IFITM10: variants seen among roughly 807,000 people sequenced by gnomAD.
IFITM10 encodes interferon induced transmembrane protein 10.
IFITM10 carries 17 observed loss-of-function variants against 19.0 expected under a neutral mutation model. The observed-to-expected ratio is 0.90, with a 90% CI of 0.61 to 1.34. IFITM10 has a LOEUF of 1.34. IFITM10 is among the 40% of genes most tolerant of loss of function. IFITM10 has a pLI of 0.00. For synonymous variants in IFITM10, 148 were observed against 147.2 expected (o/e 1.01, Z -0.04); for missense variants, 306 against 319.8 (o/e 0.96, Z 0.33).
intron 1 of IFITM10, 74 bp from the exon 2 acceptor site, chr11:1,748,193 G>A (rs1418075901): frequency 2.7e-6 from 3 of 1,114,834 alleles, no homozygotes; most frequent in East Asian, 3.2e-5. Flanking sequence ...CAGCAGCTCC[G>A]AGAACAGCCC....
chr11:1,745,432 C>T (rs1036493911), intron 2 of IFITM10: 1 of 152,336 alleles, frequency 6.6e-6, no homozygotes, highest in Non-Finnish European at 1.5e-5. Flanking sequence ...TGGAGCTGGT[C>T]GGAAGCATGA....
rs1453167776 is a variant in IFITM10 at position 1,750,386 on chromosome 11, C to T, written c.57G>A (p.Glu19=). 6.4e-7 allele frequency: 1 copy of T among 1,550,556 alleles called. No homozygotes were observed. The highest frequency in any genetic ancestry group is 2.0e-5 in the Admixed American group (1 of 50,992). ...CCAGCTCCCACTGAGCCTCGACCCTCTCCAAAGTCCCCCGGAAGCTGAGGA... is the reference window on the plus strand; with the variant it reads ...CCAGCTCCCACTGAGCCTCGACCCTTTCCAAAGTCCCCCGGAAGCTGAGGA... ...PCILSFRGTL[E]RVEAQWELEA... is the part of the protein sequence containing the mutation. The change falls in exon 1 of 3, where the codon GAG becomes GAA. Residue 19 remains glutamate (E), a synonymous_variant. Transcript: ENST00000340134.
At chr11:1,738,429 G>A (rs777659221) in intron 2 of IFITM10, among the ~76,000 whole-genome samples, 7 of 152,208 alleles carry the variant, frequency 4.6e-5, no homozygotes, top group Admixed American at 6.5e-5. Context: ...GATGGGGACC[G>A]TCTGTATATG....
intron 2 of IFITM10, chr11:1,746,669 T>C (rs1009924706): frequency 2.5e-6 from 1 of 398,512 alleles, no homozygotes. Context: ...GAGGCGAAGC[T>C]GGCCAGGCGT....
At chr11:1,747,369 C>T (rs942950896) in intron 2 of IFITM10, among the ~76,000 whole-genome samples, 8 of 152,092 alleles carry the variant, frequency 5.3e-5, no homozygotes, top group East Asian at 1.9e-4. Flanking sequence ...CCTCAACCCC[C>T]GCTCCCAGCC....
intron 2 of IFITM10, chr11:1,746,920 C>T: frequency 2.5e-6 from 1 of 397,650 alleles, no homozygotes; most frequent in Non-Finnish European, 4.4e-6. Context: ...AGGAAGGGCT[C>T]CAGCACCAGA....
In IFITM10 at chr11:1,734,943, T is replaced by A. The variant is rs182564940; in HGVS notation, c.*337A>T. 1.8e-3 allele frequency: 615 copies of A among 335,112 alleles called. 2 individuals carry two copies. The highest frequency in any genetic ancestry group is 2.9e-3 in the Non-Finnish European group (538 of 182,682). The allele number at this position is 335,112 out of a possible 1,614,324, so 20.8% of individuals were successfully genotyped here. On this transcript the variant is annotated 3_prime_UTR_variant, in exon 3 of 3. Coordinates refer to ENST00000340134, the MANE Select transcript of IFITM10 (RefSeq NM_001170820.4). ...TTGCATAAGCCCTTCCTGCTAGGTG[T>A]CAGGTCCAAGGGGCCCCAGGAGCCT...
chr11:1,737,151 T>C (rs1248967615), intron 2 of IFITM10, among the ~76,000 whole-genome samples: 1 of 152,236 alleles, frequency 6.6e-6, no homozygotes, highest in African/African-American at 2.4e-5. Context: ...ATGCCTTTGC[T>C]AAAATAAAGT....
At chr11:1,739,219 A>G (rs553291453) in intron 2 of IFITM10, among the ~76,000 whole-genome samples, 1 of 152,220 alleles carries the variant, frequency 6.6e-6, no homozygotes, top group East Asian at 1.9e-4. Context: ...ATGGCTGGAT[A>G]TAGTAACGGA....
At chr11:1,735,883 G>A (rs552774007) in intron 2 of IFITM10, among the ~76,000 whole-genome samples, 19 of 152,284 alleles carry the variant, frequency 1.2e-4, no homozygotes, top group African/African-American at 4.1e-4. Context: ...GTTCTGCCTC[G>A]TTTAAAATTA....
Position 1,734,906 on chromosome 11 carries a change from C to A in IFITM10, c.*374G>T, listed in dbSNP as rs986911822. On this transcript the variant is annotated 3_prime_UTR_variant, in exon 3 of 3. Coordinates refer to ENST00000340134, the MANE Select transcript of IFITM10 (RefSeq NM_001170820.4). Reference sequence around the variant, plus strand: ...GGGAGCACAGAGTGAGTCCTCCCAACCTGGGACAATTTTGCATAAGCCCTT... The same window carrying A: ...GGGAGCACAGAGTGAGTCCTCCCAAACTGGGACAATTTTGCATAAGCCCTT... The A allele has an allele frequency of 1.7e-5, 4 of 241,950 alleles. No homozygotes were observed. Among genetic ancestry groups the A allele is most frequent in the South Asian group, 9.7e-5 (1 of 10,322 alleles). The allele number at this position is 241,950 out of a possible 1,614,324, so 15.0% of individuals were successfully genotyped here.
intron 1 of IFITM10, among the ~76,000 whole-genome samples, chr11:1,749,461 C>G (rs556253628): frequency 1.3e-5 from 2 of 151,514 alleles, no homozygotes; most frequent in East Asian, 3.9e-4. Context: ...CCCCCAGCCC[C>G]GTGGAAGACT....
At chr11:1,750,083 G>T (rs1027932401) in intron 1 of IFITM10, among the ~76,000 whole-genome samples, 2 of 152,060 alleles carry the variant, frequency 1.3e-5, no homozygotes, top group Admixed American at 1.3e-4. Flanking sequence ...CAGCCTCTCT[G>T]TGATCCCTAC....
chr11:1,741,912 G>A (rs1344500250), intron 2 of IFITM10, among the ~76,000 whole-genome samples: 1 of 152,186 alleles, frequency 6.6e-6, no homozygotes, highest in Admixed American at 6.5e-5. Flanking sequence ...GGCCCTACTG[G>A]CAAATGAGGA....
rs1851045042 is a variant in IFITM10, at chr11:1,733,121, T to C, written c.*2159A>G. The C allele has an allele frequency of 6.6e-6, 1 of 152,250 alleles. No homozygotes were observed. Among genetic ancestry groups the C allele is most frequent in the Admixed American group, 6.5e-5 (1 of 15,276 alleles). The allele number at this position is 152,250 out of a possible 1,614,324, so 9.4% of individuals were successfully genotyped here. A position where few individuals can be genotyped will look rare whatever the true frequency, so the allele number is the denominator to read the frequency against. ...GGCTTGTCCAGGAAGCCTCTGGGTC[T>C]AATGGTGCAAGCATCCGAAGTGCCC... On this transcript the variant is annotated 3_prime_UTR_variant, in exon 3 of 3. Transcript: ENST00000340134. The surrounding 1 kb of genome is among the most constrained non-coding windows in gnomAD (Gnocchi z 6.3).
chr11:1,750,399 C>CGGAA lies in IFITM10; in HGVS notation c.40_43dup (p.Arg15LeufsTer79). 6.4e-7 allele frequency: 1 copy of CGGAA among 1,550,502 alleles called. No homozygotes were observed. Among genetic ancestry groups the CGGAA allele is most frequent in the Non-Finnish European group, 8.7e-7 (1 of 1,146,970 alleles). On this transcript the variant is annotated frameshift_variant, in exon 1 of 3. Transcript: ENST00000340134. LOFTEE classifies it high-confidence loss of function. ...AGCCTCGACCCTCTCCAAAGTCCCC[C>CGGAA]GGAAGCTGAGGATGCATGGCGGCCC...
At position 1,749,159 on chromosome 11, in the gene IFITM10, G is replaced by A. The variant is rs1004898563; in HGVS notation, c.85-1040C>T. On this transcript the variant is annotated intron_variant, in intron 1 of 2. Transcript: ENST00000340134. ...GGGTGGGGAGCGCGCGGGGCTCGGCGGCGGCGCCGCTGCCTCCCCCGCCGC... is the reference window on the plus strand; with the variant it reads ...GGGTGGGGAGCGCGCGGGGCTCGGCAGCGGCGCCGCTGCCTCCCCCGCCGC... The A allele has an allele frequency of 3.2e-6, 3 of 944,512 alleles. No individual in the cohort carries two copies. The East Asian group carries it at 3.5e-4, about 109-fold the overall frequency. 58.5% of individuals were successfully genotyped at this position (944,512 alleles called of 1,614,324 possible).
chr11:1,749,095 CT>C (rs1482154715), intron 1 of IFITM10: 1 of 1,142,158 alleles, frequency 8.8e-7, no homozygotes, highest in Non-Finnish European at 1.1e-6. Flanking sequence ...GGGCCGCTGT[CT>C]GTCCACTGAT....
chr11:1,739,454 T>A (rs1239344145), intron 2 of IFITM10, among the ~76,000 whole-genome samples: 2 of 152,202 alleles, frequency 1.3e-5, no homozygotes, highest in African/African-American at 4.8e-5. Context: ...CTGTTCTAGG[T>A]CCTGCGTATA....
Sources: gnomAD v4.1 joint callset for allele counts (sites outside exome capture counted in the v4.1 genomes callset) on GRCh38, gnomAD v4.1.1 for gene constraint, Gnocchi (gnomAD v3.1) non-coding constraint, MANE v1.5 for transcripts, NCBI Gene and HGNC (gene_info 2026-07-23, HGNC 2026-07-21) for gene names.